Variants in KLHL13 observed in about 807,000 individuals in gnomAD.
KLHL13 encodes kelch-like protein 13.
KLHL13 carries 10 observed loss-of-function variants against 37.1 expected under a neutral mutation model. The observed-to-expected ratio is 0.27, with a 90% CI of 0.17 to 0.46. The LOEUF (loss-of-function observed/expected upper bound fraction) is 0.46, where lower values mean the gene tolerates loss of function less well. Among genes scored for constraint, KLHL13 ranks in the 20% least tolerant of loss-of-function variants. The pLI, the probability that KLHL13 is intolerant of heterozygous loss-of-function variation, is 1.00. For missense variants in KLHL13, 360 were observed against 509.3 expected (o/e 0.71, Z 2.82); for synonymous variants, 163 against 181.2 (o/e 0.90, Z 0.81).
At chrX:118,064,310 C>G (rs2054772915) in intron 1 of KLHL13, among the ~76,000 whole-genome samples, 1 of 111,684 alleles carries the variant, frequency 9.0e-6, no homozygotes, top group Admixed American at 9.6e-5. Flanking sequence ...CTGCCTTATA[C>G]TATTTAGCCA....
Position 117,926,448 on chromosome X carries a change from T to C in KLHL13, c.241-6078A>G, listed in dbSNP as rs762683104. 1.7e-3 allele frequency among the ~76,000 whole-genome samples: 193 copies of C among 111,252 alleles called. 1 individual carries two copies. Among genetic ancestry groups the C allele is most frequent in the African/African-American group, 6.0e-3 (184 of 30,576 alleles). ...CAGCGAGTAATGATAAACATCTTTG[T>C]CTGCAGAAAGAACCGCCAAAAAAGA... is the stretch of plus-strand genomic sequence containing the variant. On this transcript the variant is annotated intron_variant, in intron 2 of 6. Transcript: ENST00000262820.
chrX:118,099,602 G>T (rs1472948657), intron 1 of KLHL13, among the ~76,000 whole-genome samples: 1 of 110,613 alleles, frequency 9.0e-6, no homozygotes, highest in African/African-American at 3.3e-5. Flanking sequence ...TTGAGGCCAG[G>T]AGTTCGAGAC....
intron 1 of KLHL13, among the ~76,000 whole-genome samples, chrX:118,106,471 T>A (rs919235469): frequency 1.8e-5 from 2 of 111,954 alleles, no homozygotes; most frequent in African/African-American, 6.5e-5. Context: ...ATACTGCCTT[T>A]TTATCATCAA....
chrX:118,010,134 T>C (rs2054043913), intron 1 of KLHL13, among the ~76,000 whole-genome samples: 5 of 100,897 alleles, frequency 5.0e-5, no homozygotes, highest in Middle Eastern at 4.9e-3. Flanking sequence ...ACTTTTACAC[T>C]GTTGGTGGGA....
chrX:117,937,403 A>G lies in KLHL13; in HGVS notation c.240+8031T>C, dbSNP rs1008569820. Among the ~76,000 whole-genome samples the G allele has an allele frequency of 2.7e-5, 3 of 111,921 alleles. No homozygotes were observed. The East Asian group carries it at 8.5e-4, about 32-fold the overall frequency. The stretch of plus-strand genomic sequence containing the variant: ...TTATCTTCAAGTAACACAAAATTTC[A>G]GGTTACTTTCACATCACTGTTCTTT... On this transcript the variant is annotated intron_variant, in intron 2 of 6. Transcript: ENST00000262820.
At chrX:118,035,725 A>T (rs368192209) in intron 1 of KLHL13, among the ~76,000 whole-genome samples, 5 of 110,509 alleles carry the variant, frequency 4.5e-5, no homozygotes, top group Admixed American at 1.9e-4. Flanking sequence ...TCAACATAGT[A>T]TTGGAAGTTC....
intron 1 of KLHL13, among the ~76,000 whole-genome samples, chrX:118,040,769 A>G (rs749358148): frequency 8.1e-5 from 9 of 111,798 alleles, no homozygotes; most frequent in Non-Finnish European, 1.3e-4. Flanking sequence ...TTAATTATCA[A>G]ACTCCCAAAG....
chrX:117,970,483 G>A (rs1287028022), intron 1 of KLHL13, among the ~76,000 whole-genome samples: 1 of 111,544 alleles, frequency 9.0e-6, no homozygotes, highest in Non-Finnish European at 1.9e-5. Context: ...TTAAACCTAT[G>A]TTTGCCAGCC....
intron 1 of KLHL13, among the ~76,000 whole-genome samples, chrX:117,969,020 C>CA (rs1180882452): frequency 9.0e-6 from 1 of 111,100 alleles, no homozygotes; most frequent in Non-Finnish European, 1.9e-5. Context: ...TTTTACATAT[C>CA]AAAAAATCAT....
At chrX:117,979,698 A>G (rs1209928556) in intron 1 of KLHL13, among the ~76,000 whole-genome samples, 1 of 111,744 alleles carries the variant, frequency 8.9e-6, no homozygotes, top group African/African-American at 3.2e-5. Context: ...TAATTTGATA[A>G]TTTTAGGCTA....
intron 2 of KLHL13, among the ~76,000 whole-genome samples, chrX:117,944,001 G>A (rs900733085): frequency 1.8e-5 from 2 of 111,083 alleles, no homozygotes; most frequent in African/African-American, 6.5e-5. Context: ...GTGACCTTCA[G>A]ATGCGGTTTC....
chrX:118,065,738 T>A (rs188016966), intron 1 of KLHL13, among the ~76,000 whole-genome samples: 1 of 111,766 alleles, frequency 8.9e-6, no homozygotes, highest in East Asian at 2.8e-4. Context: ...CTAGGCTCCA[T>A]TAGGCTAGAG....
At chrX:118,041,225 A>G (rs1602677312) in intron 1 of KLHL13, among the ~76,000 whole-genome samples, 1 of 112,423 alleles carries the variant, frequency 8.9e-6, no homozygotes, top group African/African-American at 3.2e-5. Flanking sequence ...CAGTATAACA[A>G]GATATAAATA....
chrX:117,923,274 A>G (rs1272812044), intron 2 of KLHL13, among the ~76,000 whole-genome samples: 1 of 112,008 alleles, frequency 8.9e-6, no homozygotes, highest in Non-Finnish European at 1.9e-5. Context: ...TTGAATAGCT[A>G]ATGGCAAGTT....
intron 1 of KLHL13, among the ~76,000 whole-genome samples, chrX:118,003,807 T>C (rs2053951760): frequency 9.1e-6 from 1 of 110,210 alleles, no homozygotes; most frequent in African/African-American, 3.3e-5. Flanking sequence ...CAGAAAATGT[T>C]CCTTCCCTTC....
At chrX:117,904,534 T>C (rs1930368366) in intron 5 of KLHL13, among the ~76,000 whole-genome samples, 2 of 111,500 alleles carry the variant, frequency 1.8e-5, no homozygotes, top group African/African-American at 6.5e-5. Context: ...CCTCAGTCCA[T>C]AGGCCAAATC....
intron 1 of KLHL13, among the ~76,000 whole-genome samples, chrX:118,023,513 A>G (rs2054242958): frequency 8.9e-6 from 1 of 111,804 alleles, no homozygotes; most frequent in African/African-American, 3.2e-5. Flanking sequence ...ACGATCTTAA[A>G]CCATTCTCAT....
chrX:118,104,329 A>G (rs925091675), intron 1 of KLHL13, among the ~76,000 whole-genome samples: 3 of 111,654 alleles, frequency 2.7e-5, no homozygotes, highest in African/African-American at 9.8e-5. Flanking sequence ...CTAGTAACCT[A>G]TATCAGGTAT....
intron 2 of KLHL13, among the ~76,000 whole-genome samples, chrX:117,937,262 A>G (rs1234814652): frequency 2.7e-5 from 3 of 112,425 alleles, no homozygotes; most frequent in Admixed American, 1.9e-4. Flanking sequence ...GTGAAAACAT[A>G]ATTTTTAATA....
Sources: gnomAD v4.1 joint callset for allele counts (sites outside exome capture counted in the v4.1 genomes callset) on GRCh38, gnomAD v4.1.1 for gene constraint, MANE v1.5 for transcripts, NCBI Gene and HGNC (gene_info 2026-07-23, HGNC 2026-07-21) for gene names.